Variants in TMEM132C observed in about 807,000 individuals in gnomAD.
TMEM132C encodes the protein transmembrane protein 132C.
Under a neutral mutation model 61.4 loss-of-function variants are expected in TMEM132C, and 29 were observed. The observed-to-expected ratio is 0.47, with a 90% CI of 0.35 to 0.64. The LOEUF (loss-of-function observed/expected upper bound fraction) is 0.64, where lower values mean the gene tolerates loss of function less well. Among genes scored for constraint, TMEM132C ranks in the 30% least tolerant of loss-of-function variants. TMEM132C has a pLI of 0.00. For missense variants in TMEM132C, 1,408 were observed against 1,476.9 expected (o/e 0.95, Z 0.76); for synonymous variants, 656 against 633.1 (o/e 1.04, Z -0.54).
intron 4 of TMEM132C, among the ~76,000 whole-genome samples, chr12:128,664,223 T>TACCCATACACA (rs879340039): frequency 0.21 from 28,944 of 139,024 alleles, 2,968 homozygotes; most frequent in African/African-American, 0.36. Context: ...TGCCTGTGTG[T>TACCCATACACA]GTTCCATGAA....
intron 4 of TMEM132C, among the ~76,000 whole-genome samples, chr12:128,631,511 T>C (rs1320941234): frequency 6.6e-6 from 1 of 152,206 alleles, no homozygotes; most frequent in Non-Finnish European, 1.5e-5. Context: ...TTTTTCAGAT[T>C]GTGTGAAATC....
At chr12:128,534,263 A>G (rs1873438703) in intron 2 of TMEM132C, among the ~76,000 whole-genome samples, 1 of 152,216 alleles carries the variant, frequency 6.6e-6, no homozygotes, top group African/African-American at 2.4e-5. Context: ...TCAGTGATCA[A>G]CGTGCCTTGT....
intron 5 of TMEM132C, among the ~76,000 whole-genome samples, chr12:128,683,833 G>A (rs1346397510): frequency 1.3e-5 from 2 of 152,160 alleles, no homozygotes; most frequent in East Asian, 3.9e-4. Context: ...AGGCATGGTG[G>A]TGGATGCCTG....
intron 3 of TMEM132C, among the ~76,000 whole-genome samples, chr12:128,600,380 T>G (rs1876141468): frequency 6.6e-6 from 1 of 152,198 alleles, no homozygotes. Flanking sequence ...CCTTCCACCA[T>G]GATTGTAAGT....
chr12:128,499,585 C>T (rs1249359393), intron 2 of TMEM132C, among the ~76,000 whole-genome samples: 1 of 152,166 alleles, frequency 6.6e-6, no homozygotes, highest in Non-Finnish European at 1.5e-5. Flanking sequence ...TCGTTCTACT[C>T]TCTGTCTCTG....
Position 128,570,182 on chromosome 12 carries a change from G to A in TMEM132C, c.1121+26079G>A, listed in dbSNP as rs369266951. ...GAAAGGTGAAAGAAAGAAAATTCAA[G>A]GGCTGAAAAATATCTACACCTCCCC... On this transcript the variant is annotated intron_variant, in intron 3 of 8. Transcript: ENST00000435159. The surrounding 1 kb of genome is among the most constrained non-coding windows in gnomAD (Gnocchi z 4.7). Among the ~76,000 whole-genome samples, 4 of 152,000 alleles carry A rather than the reference G, an allele frequency of 2.6e-5. No homozygotes were observed. In the East Asian group the frequency reaches 7.7e-4, roughly 29 times the overall value.
intron 3 of TMEM132C, among the ~76,000 whole-genome samples, chr12:128,547,303 C>T (rs1156496438): frequency 6.6e-6 from 1 of 151,938 alleles, no homozygotes; most frequent in Non-Finnish European, 1.5e-5. Flanking sequence ...AGAGCCTGCA[C>T]TGGCTGGATG....
intron 3 of TMEM132C, among the ~76,000 whole-genome samples, chr12:128,568,227 C>T (rs961153470): frequency 6.6e-6 from 1 of 152,172 alleles, no homozygotes; most frequent in African/African-American, 2.4e-5. Context: ...TACTTACAGA[C>T]CAAACGCTTT....
intron 1 of TMEM132C, among the ~76,000 whole-genome samples, chr12:128,412,226 A>G (rs1565928313): frequency 6.6e-6 from 1 of 152,190 alleles, no homozygotes; most frequent in Non-Finnish European, 1.5e-5. Context: ...TGATATTATT[A>G]TCATATGTCA....
chr12:128,309,001 T>G (rs1011764618), intron 1 of TMEM132C, among the ~76,000 whole-genome samples: 3 of 151,450 alleles, frequency 2.0e-5, no homozygotes, highest in Non-Finnish European at 4.4e-5. Flanking sequence ...GGGGAGTTTT[T>G]GGGGATATTT....
intron 3 of TMEM132C, among the ~76,000 whole-genome samples, chr12:128,590,439 C>T (rs1414650744): frequency 1.7e-5 from 2 of 118,910 alleles, no homozygotes; most frequent in African/African-American, 5.1e-5. Context: ...TGCAAATTCT[C>T]AATGCTTAGA....
At chr12:128,432,839 C>G (rs1344425326) in intron 2 of TMEM132C, among the ~76,000 whole-genome samples, 1 of 152,022 alleles carries the variant, frequency 6.6e-6, no homozygotes, top group Non-Finnish European at 1.5e-5. Flanking sequence ...AACAGCATCG[C>G]GTACTACAGA....
chr12:128,340,800 T>TC (rs1872935887), intron 1 of TMEM132C, among the ~76,000 whole-genome samples: 1 of 149,936 alleles, frequency 6.7e-6, no homozygotes, highest in African/African-American at 2.5e-5. Context: ...TCTCTCTCTC[T>TC]TTCTTTCTTT....
At chr12:128,499,160 G>A (rs1593075496) in intron 2 of TMEM132C, among the ~76,000 whole-genome samples, 1 of 152,218 alleles carries the variant, frequency 6.6e-6, no homozygotes, top group East Asian at 1.9e-4. Context: ...AAACTGTATG[G>A]TACTGGCATA....
chr12:128,695,899 G>A lies in TMEM132C; in HGVS notation c.1725G>A (p.Gln575=), dbSNP rs2135654888. The A allele has an allele frequency of 6.4e-7, 1 of 1,551,532 alleles. No homozygotes were observed. Among genetic ancestry groups the A allele is most frequent in the Non-Finnish European group, 8.7e-7 (1 of 1,147,006 alleles). Residue 575 remains glutamine (Q), a synonymous_variant, in exon 7 of 9, where the codon CAG becomes CAA. Coordinates refer to ENST00000435159, the MANE Select transcript of TMEM132C (RefSeq NM_001136103.3). The part of the protein sequence containing the change: ...RRGRGCALQY[Q]HATVRVLTQF... ...GCCGGGGCTGCGCACTGCAATACCA[G>A]CACGCCACCGTGCGGGTCCTCACCC... is the stretch of plus-strand genomic sequence containing the variant.
intron 1 of TMEM132C, among the ~76,000 whole-genome samples, chr12:128,342,428 G>A (rs1873005994): frequency 6.6e-6 from 1 of 152,196 alleles, no homozygotes; most frequent in Non-Finnish European, 1.5e-5. Flanking sequence ...TATTAGTCAA[G>A]GAGTCCAGTT....
At chr12:128,472,728 G>A (rs1383007798) in intron 2 of TMEM132C, among the ~76,000 whole-genome samples, 5 of 152,222 alleles carry the variant, frequency 3.3e-5, no homozygotes, top group Admixed American at 1.3e-4. Flanking sequence ...ACATCTGGGG[G>A]TCAGCTTCGG....
intron 1 of TMEM132C, among the ~76,000 whole-genome samples, chr12:128,409,708 T>C (rs1868465179): frequency 6.6e-6 from 1 of 152,134 alleles, no homozygotes; most frequent in Non-Finnish European, 1.5e-5. Context: ...CCCAGAGGCA[T>C]GTAGTTTACA....
intron 1 of TMEM132C, among the ~76,000 whole-genome samples, chr12:128,364,852 G>A (rs2135975317): frequency 1.3e-5 from 2 of 152,312 alleles, no homozygotes; most frequent in South Asian, 4.1e-4. Context: ...CATTCTGAGT[G>A]TTGCACTCAG....
Sources: gnomAD v4.1 joint callset for allele counts (sites outside exome capture counted in the v4.1 genomes callset) on GRCh38, gnomAD v4.1.1 for gene constraint, Gnocchi (gnomAD v3.1) non-coding constraint, MANE v1.5 for transcripts, NCBI Gene and HGNC (gene_info 2026-07-23, HGNC 2026-07-21) for gene names.